Variants in BMPR1B observed in about 807,000 individuals in gnomAD.
BMPR1B encodes bone morphogenetic protein receptor type 1B, also known as bone morphogenetic protein receptor type-1B.
BMPR1B carries 12 observed loss-of-function variants against 59.1 expected under a neutral mutation model. That is an observed-to-expected ratio of 0.20 (90% confidence interval 0.13 to 0.33). The LOEUF (loss-of-function observed/expected upper bound fraction) is 0.33. Ranked by LOEUF, BMPR1B falls within the 10% of genes least tolerant of loss-of-function variation. The pLI is 1.00. For missense variants in BMPR1B, 550 were observed against 610.9 expected, an observed-to-expected ratio of 0.90 and a Z score of 1.05; for synonymous variants, 237 against 207.3, an observed-to-expected ratio of 1.14 and a Z score of -1.23.
At chr4:94,827,133 C>T (rs1463369080) in intron 1 of BMPR1B, among the ~76,000 whole-genome samples, 1 of 151,992 alleles carries the variant, frequency 6.6e-6, no homozygotes, top group African/African-American at 2.4e-5. Flanking sequence ...TTCCTCATTC[C>T]TCATCCCCCT....
chr4:94,772,251 T>A (rs1207619688), intron 1 of BMPR1B, among the ~76,000 whole-genome samples: 1 of 152,168 alleles, frequency 6.6e-6, no homozygotes, highest in African/African-American at 2.4e-5. Flanking sequence ...CTTCACACAC[T>A]TTTTCCAGAA....
chr4:94,902,602 CTGTT>C (rs1316923664), intron 2 of BMPR1B, among the ~76,000 whole-genome samples: 2 of 145,156 alleles, frequency 1.4e-5, no homozygotes, highest in Admixed American at 1.4e-4. Context: ...CTGAATTTTT[CTGTT>C]TTTTTCTGAA....
chr4:95,139,398 G>C (rs1268564761), intron 10 of BMPR1B, among the ~76,000 whole-genome samples: 4 of 152,194 alleles, frequency 2.6e-5, no homozygotes, highest in Non-Finnish European at 5.9e-5. Flanking sequence ...TCCGTTCTCA[G>C]ATCTCAAACT....
At chr4:95,008,292 T>C (rs1722991089) in intron 3 of BMPR1B, among the ~76,000 whole-genome samples, 1 of 152,192 alleles carries the variant, frequency 6.6e-6, no homozygotes. Flanking sequence ...ATTTGTCACC[T>C]CGATTTTCTT....
At chr4:95,018,633 TGGA>T (rs1293964580) in intron 3 of BMPR1B, among the ~76,000 whole-genome samples, 1 of 152,190 alleles carries the variant, frequency 6.6e-6, no homozygotes, top group Non-Finnish European at 1.5e-5. Context: ...CACTTGTTTA[TGGA>T]ATTATATGAG....
At chr4:94,759,604 T>C (rs1008483720) in intron 1 of BMPR1B, among the ~76,000 whole-genome samples, 11 of 152,262 alleles carry the variant, frequency 7.2e-5, no homozygotes, top group Non-Finnish European at 1.6e-4. Context: ...TAAGAAAATA[T>C]TCAGTCTTTG....
At chr4:94,800,480 G>T (rs1384400656) in intron 1 of BMPR1B, among the ~76,000 whole-genome samples, 2 of 146,542 alleles carry the variant, frequency 1.4e-5, no homozygotes, top group Non-Finnish European at 1.5e-5. Flanking sequence ...TCAGCAAGTG[G>T]CCTTTTAGTG....
At chr4:94,946,508 C>T (rs777540051) in intron 2 of BMPR1B, among the ~76,000 whole-genome samples, 17 of 152,064 alleles carry the variant, frequency 1.1e-4, no homozygotes, top group East Asian at 1.9e-4. Context: ...CAGCTTCTTA[C>T]GGAAGGCACA....
At chr4:95,040,248 T>G (rs960493577) in intron 3 of BMPR1B, among the ~76,000 whole-genome samples, 4 of 152,208 alleles carry the variant, frequency 2.6e-5, no homozygotes, top group Non-Finnish European at 5.9e-5. Context: ...GCTATTTTCA[T>G]ATGGTGTATG....
intron 1 of BMPR1B, among the ~76,000 whole-genome samples, chr4:94,763,144 G>A (rs1475652315): frequency 6.6e-6 from 1 of 152,100 alleles, no homozygotes; most frequent in Non-Finnish European, 1.5e-5. Flanking sequence ...AAGCAGAGTG[G>A]TGAGCATCCT....
At chr4:94,767,023 G>T (rs756525309) in intron 1 of BMPR1B, among the ~76,000 whole-genome samples, 3 of 152,080 alleles carry the variant, frequency 2.0e-5, no homozygotes, top group Non-Finnish European at 2.9e-5. Flanking sequence ...AAAAGACCTG[G>T]AGTAGGTGAC....
chr4:94,934,454 T>TTTTTG (rs72125919), intron 2 of BMPR1B, among the ~76,000 whole-genome samples: 38 of 31,066 alleles, frequency 1.2e-3, no homozygotes, highest in African/African-American at 0.012. Context: ...CCAGCTATGG[T>TTTTTG]TTTTTTTTTT....
intron 3 of BMPR1B, among the ~76,000 whole-genome samples, chr4:95,002,017 G>A (rs1402649457): frequency 1.3e-5 from 2 of 152,104 alleles, no homozygotes; most frequent in Non-Finnish European, 2.9e-5. Context: ...GTGAGTACAG[G>A]TACAGGTTTG....
chr4:95,018,407 C>T (rs967327042), intron 3 of BMPR1B, among the ~76,000 whole-genome samples: 1 of 152,114 alleles, frequency 6.6e-6, no homozygotes, highest in Non-Finnish European at 1.5e-5. Context: ...GCCATTTACT[C>T]TACTTGCTTT....
At chr4:94,914,989 C>T (rs1314101774) in intron 2 of BMPR1B, among the ~76,000 whole-genome samples, 1 of 152,090 alleles carries the variant, frequency 6.6e-6, no homozygotes, top group Non-Finnish European at 1.5e-5. Context: ...CGCAATACCT[C>T]AGGAAAATTT....
chr4:94,986,176 ATTTG>A (rs1428190654), intron 2 of BMPR1B, among the ~76,000 whole-genome samples: 1 of 152,212 alleles, frequency 6.6e-6, no homozygotes. Context: ...TTGACATGCT[ATTTG>A]TTAACATTAT....
intron 1 of BMPR1B, among the ~76,000 whole-genome samples, chr4:94,857,393 A>C (rs1166832517): frequency 6.6e-6 from 1 of 152,204 alleles, no homozygotes; most frequent in Non-Finnish European, 1.5e-5. Context: ...TTTATCTTCA[A>C]TGAATAGTTA....
At chr4:94,998,430 A>G (rs928713489) in intron 3 of BMPR1B, among the ~76,000 whole-genome samples, 2 of 150,266 alleles carry the variant, frequency 1.3e-5, no homozygotes, top group African/African-American at 4.9e-5. Flanking sequence ...CTGGAGTGCA[A>G]TGGCGCGATC....
rs143023467 is a variant in BMPR1B at position 94,908,588 on chromosome 4, A to G, written c.-113+32688A>G. Among the ~76,000 whole-genome samples the G allele has an allele frequency of 4.9e-3, 742 of 151,918 alleles. 11 individuals are homozygous for G. Among genetic ancestry groups the G allele is most frequent in the South Asian group, 0.043 (207 of 4,810 alleles). On this transcript the variant is annotated intron_variant, in intron 2 of 12. Coordinates refer to ENST00000515059, the MANE Select transcript of BMPR1B (RefSeq NM_001203.3). ...ACCCTTTTTTAAGGGTCTCTGTACCATCTTTATATTAATGATTCCCCAGTT... is the reference window on the plus strand; with the variant it reads ...ACCCTTTTTTAAGGGTCTCTGTACCGTCTTTATATTAATGATTCCCCAGTT...
Sources: allele counts gnomAD v4.1 joint callset (sites outside exome capture counted in the v4.1 genomes callset), GRCh38; gene constraint gnomAD v4.1.1; transcripts MANE v1.5; gene names NCBI Gene and HGNC (gene_info 2026-07-23, HGNC 2026-07-21).